Variants in CRPPA observed in about 807,000 individuals in gnomAD.
CRPPA encodes the protein CDP-L-ribitol pyrophosphorylase A, also known as D-ribitol-5-phosphate cytidylyltransferase.
A neutral mutation model predicts 52.0 loss-of-function variants in CRPPA; 43 were observed. The observed-to-expected ratio is 0.83, with a 90% CI of 0.65 to 1.07. CRPPA has a LOEUF of 1.07. Ranked by LOEUF, CRPPA falls within the 50% of genes least tolerant of loss-of-function variation. The pLI, the probability that CRPPA is intolerant of heterozygous loss-of-function variation, is 0.00. For synonymous variants in CRPPA, 250 were observed against 203.5 expected (o/e 1.23, Z -1.94); for missense variants, 629 against 551.7 (o/e 1.14, Z -1.40).
intron 9 of CRPPA, among the ~76,000 whole-genome samples, chr7:16,128,691 T>C (rs1435567714): frequency 6.6e-6 from 1 of 152,156 alleles, no homozygotes; most frequent in Non-Finnish European, 1.5e-5. Flanking sequence ...TTCCAAGTTG[T>C]TGGCCAGATG....
chr7:16,358,500 C>A (rs1255705512), intron 3 of CRPPA, among the ~76,000 whole-genome samples: 1 of 152,154 alleles, frequency 6.6e-6, no homozygotes, highest in Non-Finnish European at 1.5e-5. Flanking sequence ...TAGGTCAAAT[C>A]TATCCTGCCA....
intron 9 of CRPPA, among the ~76,000 whole-genome samples, chr7:16,180,490 T>G (rs75414020): frequency 6.6e-6 from 1 of 152,102 alleles, no homozygotes; most frequent in Non-Finnish European, 1.5e-5. Context: ...TTATAGATAA[T>G]GTAATGGTAG....
Position 16,376,165 on chromosome 7 carries a change from T to G in CRPPA, c.611A>C (p.Glu204Ala), listed in dbSNP as rs1252227909. Residue 204 changes from glutamate (E) to alanine (A), a missense_variant, in exon 3 of 10, where the codon GAA (glutamate) becomes GCA (alanine). Transcript: ENST00000407010. ...SADGCLDYSL[E>A]RARHRASEMP... is the part of the protein sequence containing the mutation. ...TTCACTTGCTCTGTGTCTGGCACGT[T>G]CTAGCGAGTAGTCTAAGCAACCATC... 1 of 1,613,268 alleles carries G rather than the reference T, an allele frequency of 6.2e-7. No homozygotes were observed. The highest frequency in any genetic ancestry group is 8.5e-7 in the Non-Finnish European group (1 of 1,179,624).
intron 3 of CRPPA, among the ~76,000 whole-genome samples, chr7:16,316,092 T>C (rs550893834): frequency 1.2e-4 from 18 of 152,158 alleles, no homozygotes; most frequent in Admixed American, 7.2e-4. Flanking sequence ...ATCTATAAAA[T>C]TGAGAGAGAT....
intron 1 of CRPPA, among the ~76,000 whole-genome samples, chr7:16,411,814 G>C (rs1240952303): frequency 6.6e-6 from 1 of 152,082 alleles, no homozygotes; most frequent in African/African-American, 2.4e-5. Flanking sequence ...AACTAAATAA[G>C]TAGTATTTTT....
At position 16,319,707 on chromosome 7, in the gene CRPPA, G is replaced by A. The variant is rs1352403278; in HGVS notation, c.685-11080C>T. Among the ~76,000 whole-genome samples, 5 of 152,258 alleles carry A rather than the reference G, an allele frequency of 3.3e-5. No individual in the cohort carries two copies. In the East Asian group the frequency reaches 9.7e-4, roughly 29 times the overall value. Reference sequence around the variant, plus strand: ...GGCTGAGTGGGAGAAGCAGCCATGGGCTTTCCTATTCGGCAGTCAGTAGGC... The same window carrying A: ...GGCTGAGTGGGAGAAGCAGCCATGGACTTTCCTATTCGGCAGTCAGTAGGC... On this transcript the variant is annotated intron_variant, in intron 3 of 9. Transcript: ENST00000407010.
At chr7:16,195,437 G>GT (rs1781709620) in intron 9 of CRPPA, among the ~76,000 whole-genome samples, 1 of 152,038 alleles carries the variant, frequency 6.6e-6, no homozygotes. Flanking sequence ...CAATCTATCT[G>GT]TAACTTAATG....
intron 9 of CRPPA, among the ~76,000 whole-genome samples, chr7:16,136,699 A>G (rs1782768530): frequency 6.6e-6 from 1 of 152,204 alleles, no homozygotes; most frequent in Non-Finnish European, 1.5e-5. Context: ...TGGATATAAG[A>G]TCTTCACTAA....
chr7:16,287,541 G>A (rs749276688), intron 5 of CRPPA, among the ~76,000 whole-genome samples: 7 of 152,090 alleles, frequency 4.6e-5, no homozygotes, highest in Non-Finnish European at 1.0e-4. Context: ...ACCTCAGAAC[G>A]TAACTTTATT....
chr7:16,122,312 A>G (rs1422558210), intron 9 of CRPPA, among the ~76,000 whole-genome samples: 1 of 152,078 alleles, frequency 6.6e-6, no homozygotes, highest in Non-Finnish European at 1.5e-5. Flanking sequence ...TTAAAATACT[A>G]GCAAAGAGCA....
chr7:16,219,151 C>T (rs1416146560), intron 8 of CRPPA, among the ~76,000 whole-genome samples: 1 of 151,878 alleles, frequency 6.6e-6, no homozygotes, highest in Non-Finnish European at 1.5e-5. Flanking sequence ...CTCAAAACCG[C>T]TCAACTACAT....
At chr7:16,209,050 C>A (rs1782045827) in intron 9 of CRPPA, 1 of 427,062 alleles carries the variant, frequency 2.3e-6, no homozygotes, top group Non-Finnish European at 4.7e-6. Context: ...TCTGTATGCC[C>A]AGGGGAAGTG....
chr7:16,411,835 T>C (rs1286609878), intron 1 of CRPPA, among the ~76,000 whole-genome samples: 1 of 152,296 alleles, frequency 6.6e-6, no homozygotes, highest in East Asian at 1.9e-4. Flanking sequence ...AAAGGAAAGA[T>C]TACAACTTGT....
At chr7:16,278,080 A>G (rs756613354) in intron 6 of CRPPA, 49 bp downstream of exon 6, 1 of 920,084 alleles carries the variant, frequency 1.1e-6, no homozygotes, top group South Asian at 1.5e-5. Flanking sequence ...TTATACTATA[A>G]AAGTTTTTGG....
intron 3 of CRPPA, among the ~76,000 whole-genome samples, chr7:16,363,832 T>C (rs538567478): frequency 1.3e-5 from 2 of 152,248 alleles, no homozygotes; most frequent in South Asian, 4.1e-4. Flanking sequence ...AACTTACAAT[T>C]CAAATAGAAA....
intron 3 of CRPPA, among the ~76,000 whole-genome samples, chr7:16,310,850 A>C (rs76991502): frequency 6.6e-6 from 1 of 151,384 alleles, no homozygotes; most frequent in Non-Finnish European, 1.5e-5. Context: ...CATAGAAACA[A>C]TACAACTTAG....
chr7:16,153,528 T>C (rs1365125576), intron 9 of CRPPA, among the ~76,000 whole-genome samples: 1 of 152,100 alleles, frequency 6.6e-6, no homozygotes, highest in East Asian at 1.9e-4. Context: ...TGAACTAACT[T>C]TCAGAATGTA....
rs962014217 is a variant in CRPPA at position 16,089,873 on chromosome 7, A to G, written c.*1822T>C. Reference sequence around the variant, plus strand: ...ATCAGGGTGATTTTGCTGTGCCACAAATATGCCCAGTTTACTGCATTCTTC... The same window carrying G: ...ATCAGGGTGATTTTGCTGTGCCACAGATATGCCCAGTTTACTGCATTCTTC... On this transcript the variant is annotated 3_prime_UTR_variant, in exon 10 of 10. Coordinates refer to ENST00000407010, the MANE Select transcript of CRPPA (RefSeq NM_001101426.4). The G allele has an allele frequency of 2.5e-5, 4 of 162,956 alleles. No individual in the cohort carries two copies. The highest frequency in any genetic ancestry group is 1.5e-4 in the South Asian group (1 of 6,620). 10.1% of individuals were successfully genotyped at this position (162,956 alleles called of 1,614,324 possible). A position where few individuals can be genotyped will look rare whatever the true frequency, so the allele number is the denominator to read the frequency against.
At chr7:16,308,775 C>T (rs372485056) in intron 3 of CRPPA, 148 bp from the exon 4 acceptor site, 1 of 604,982 alleles carries the variant, frequency 1.7e-6, no homozygotes. Flanking sequence ...TATAACATCC[C>T]CATTAGCTAA....
Sources: gnomAD v4.1 joint callset for allele counts (sites outside exome capture counted in the v4.1 genomes callset) on GRCh38, gnomAD v4.1.1 for gene constraint, MANE v1.5 for transcripts, NCBI Gene and HGNC (gene_info 2026-07-23, HGNC 2026-07-21) for gene names.